The following STXBP5 variants were observed in gnomAD, a reference collection of about 807,000 sequenced individuals.
STXBP5 encodes syntaxin-binding protein 5.
Under a neutral mutation model 152.4 loss-of-function variants are expected in STXBP5, and 50 were observed. That is an observed-to-expected ratio of 0.33 (90% CI 0.26 to 0.42). The LOEUF is 0.42. Ranked by LOEUF, STXBP5 falls within the 10% of genes least tolerant of loss-of-function variation. The pLI is 1.00. For missense variants in STXBP5, 1,167 were observed against 1,388.6 expected (o/e 0.84, Z 2.54); for synonymous variants, 492 against 494.7 (o/e 0.99, Z 0.07).
intron 19 of STXBP5, among the ~76,000 whole-genome samples, chr6:147,336,490 A>G (rs1004716956): frequency 6.6e-6 from 1 of 151,602 alleles, no homozygotes; most frequent in Non-Finnish European, 1.5e-5. Flanking sequence ...AAATTCTACT[A>G]CTTCACGGTG....
rs578251804 is a variant in STXBP5 at position 147,291,736 on chromosome 6, T to TA, written c.917+570dup. Among the ~76,000 whole-genome samples the TA allele has an allele frequency of 4.7e-3, 709 of 152,212 alleles. 5 individuals carry two copies. The highest frequency in any genetic ancestry group is 0.017 in the South Asian group (84 of 4,826). On this transcript the variant is annotated intron_variant, in intron 9 of 27. Transcript: ENST00000321680. Reference sequence around the variant, plus strand: ...TATATTTTTGTGTCAAATGTTAGATTAAAAAATATAAAGAAAAAAACATAA... The same window carrying TA: ...TATATTTTTGTGTCAAATGTTAGATTAAAAAAATATAAAGAAAAAAACATAA...
intron 21 of STXBP5, among the ~76,000 whole-genome samples, chr6:147,341,494 T>G (rs1381007754): frequency 1.3e-5 from 2 of 152,166 alleles, no homozygotes; most frequent in Non-Finnish European, 2.9e-5. Flanking sequence ...ATTTATAGCT[T>G]CAACTTATAG....
intron 11 of STXBP5, among the ~76,000 whole-genome samples, chr6:147,312,477 G>A (rs942977762): frequency 9.9e-5 from 15 of 151,190 alleles, no homozygotes; most frequent in Admixed American, 1.3e-4. Flanking sequence ...CCCCAGCCCC[G>A]CCCTTCTCCC....
At chr6:147,280,465 T>C (rs1780650337) in intron 8 of STXBP5, among the ~76,000 whole-genome samples, 1 of 152,370 alleles carries the variant, frequency 6.6e-6, no homozygotes, top group Middle Eastern at 3.4e-3. Flanking sequence ...GTTTTCTTTT[T>C]ACTTTTGAAA....
chr6:147,285,672 A>G (rs577032178), intron 8 of STXBP5, among the ~76,000 whole-genome samples: 2 of 152,284 alleles, frequency 1.3e-5, no homozygotes, highest in South Asian at 4.1e-4. Context: ...TTAGAACACA[A>G]TAGAGCAATA....
chr6:147,354,966 A>G (rs187565640), intron 22 of STXBP5, among the ~76,000 whole-genome samples: 2 of 152,278 alleles, frequency 1.3e-5, no homozygotes, highest in East Asian at 3.9e-4. Flanking sequence ...AACTCCAACT[A>G]TATTGATAGG....
intron 8 of STXBP5, among the ~76,000 whole-genome samples, chr6:147,278,867 A>G (rs923527676): frequency 6.6e-6 from 1 of 152,188 alleles, no homozygotes; most frequent in African/African-American, 2.4e-5. Context: ...TTGTTACCAC[A>G]TGTGTGAAAT....
rs375765042 is a variant in STXBP5, at chr6:147,358,617, G to A, written c.2306-467G>A. Reference sequence around the variant, plus strand: ...ATCTCCAAAAACTTAACTTCTAAAAGCCTACTGTTGACTGAAAGCCTTACC... The same window carrying A: ...ATCTCCAAAAACTTAACTTCTAAAAACCTACTGTTGACTGAAAGCCTTACC... On this transcript the variant is annotated intron_variant, in intron 22 of 27. Transcript: ENST00000321680. Among the ~76,000 whole-genome samples the A allele has an allele frequency of 2.0e-5, 3 of 152,136 alleles. No homozygotes were observed. The East Asian group carries it at 5.8e-4, about 29-fold the overall frequency.
intron 25 of STXBP5, among the ~76,000 whole-genome samples, chr6:147,373,378 A>C (rs898096050): frequency 6.6e-6 from 1 of 151,726 alleles, no homozygotes; most frequent in African/African-American, 2.4e-5. Flanking sequence ...AAAAAAAAAA[A>C]AAAAAAAAAA....
intron 18 of STXBP5, among the ~76,000 whole-genome samples, chr6:147,330,420 A>G (rs567017732): frequency 2.5e-4 from 38 of 152,248 alleles, no homozygotes; most frequent in African/African-American, 9.1e-4. Context: ...GAGAAACTAA[A>G]TCCTAAGTTC....
chr6:147,286,620 ATAAT>A (rs1780975515), intron 8 of STXBP5, among the ~76,000 whole-genome samples: 1 of 152,232 alleles, frequency 6.6e-6, no homozygotes, highest in African/African-American at 2.4e-5. Context: ...ACATCAGAAA[ATAAT>A]TAATGTAATA....
chr6:147,334,576 T>C (rs1243577230), intron 19 of STXBP5, among the ~76,000 whole-genome samples: 3 of 152,194 alleles, frequency 2.0e-5, no homozygotes, highest in East Asian at 1.9e-4. Flanking sequence ...TTAACACTTA[T>C]AATCTAATCA....
chr6:147,337,211 ACAC>A (rs1783874625), intron 19 of STXBP5, among the ~76,000 whole-genome samples: 1 of 147,634 alleles, frequency 6.8e-6, no homozygotes, highest in African/African-American at 2.5e-5. Context: ...ACACACACAC[ACAC>A]AAGAAGTCAT....
intron 3 of STXBP5, 90 bp downstream of exon 3, chr6:147,235,421 T>G (rs1778222110): frequency 9.5e-7 from 1 of 1,050,182 alleles, no homozygotes; most frequent in Admixed American, 2.3e-5. Flanking sequence ...CACAATTTAT[T>G]TACATATTTG....
At chr6:147,246,779 T>C (rs1778831081) in intron 4 of STXBP5, among the ~76,000 whole-genome samples, 2 of 152,092 alleles carry the variant, frequency 1.3e-5, no homozygotes, top group Admixed American at 1.3e-4. Flanking sequence ...AACTTAAATA[T>C]CAAGGGAGAA....
chr6:147,292,213 T>C, intron 9 of STXBP5: 2 of 450,620 alleles, frequency 4.4e-6, no homozygotes, highest in Middle Eastern at 3.3e-4. Flanking sequence ...AAAATATATA[T>C]ATAAAAATGT....
intron 2 of STXBP5, among the ~76,000 whole-genome samples, chr6:147,212,273 G>T (rs965286532): frequency 1.4e-4 from 22 of 152,312 alleles, no homozygotes; most frequent in African/African-American, 5.3e-4. Context: ...TCCGTGCTTT[G>T]TAAGCCTTTC....
chr6:147,341,637 C>T (rs923057217), intron 21 of STXBP5, among the ~76,000 whole-genome samples: 2 of 151,892 alleles, frequency 1.3e-5, no homozygotes, highest in Non-Finnish European at 2.9e-5. Context: ...ACCTGTTCTT[C>T]GAGAGTAACT....
In STXBP5 at chr6:147,204,463, G is replaced by C; in HGVS notation, c.-70G>C. ...CGCGGTCGAAGCTGCCTTCGGCCCC[G>C]GGTGGTCTCCCCCGCCCGGGGACCC... On this transcript the variant is annotated 5_prime_UTR_variant, in exon 1 of 28. Coordinates refer to ENST00000321680, the MANE Select transcript of STXBP5 (RefSeq NM_001127715.4). This position sits in a 1 kb window ranked among gnomAD's most constrained non-coding sequence, Gnocchi z 4.3. The C allele has an allele frequency of 6.5e-7, 1 of 1,535,734 alleles. No individual in the cohort carries two copies. The highest frequency in any genetic ancestry group is 8.8e-7 in the Non-Finnish European group (1 of 1,132,570).
Sources: gnomAD v4.1 joint callset for allele counts (sites outside exome capture counted in the v4.1 genomes callset) on GRCh38, gnomAD v4.1.1 for gene constraint, Gnocchi (gnomAD v3.1) non-coding constraint, MANE v1.5 for transcripts, NCBI Gene and HGNC (gene_info 2026-07-23, HGNC 2026-07-21) for gene names.